Variants in OCA2 observed in about 807,000 individuals in gnomAD.
OCA2 encodes the protein P protein.
Under a neutral mutation model 100.2 loss-of-function variants are expected in OCA2, and 77 were observed. That is an observed-to-expected ratio of 0.77 (90% CI 0.64 to 0.93). The LOEUF (loss-of-function observed/expected upper bound fraction) is 0.93. Among genes scored for constraint, OCA2 ranks in the 40% least tolerant of loss-of-function variants. The pLI, the probability that OCA2 is intolerant of heterozygous loss-of-function variation, is 0.00. For synonymous variants in OCA2, 432 were observed against 439.2 expected (o/e 0.98, Z 0.21); for missense variants, 1,062 against 1,089.1 (o/e 0.98, Z 0.35).
intron 12 of OCA2, 105 bp downstream of exon 12, chr15:27,986,482 T>G: frequency 1.2e-6 from 1 of 845,604 alleles, no homozygotes; most frequent in Non-Finnish European, 2.0e-6. Flanking sequence ...AGGATGGAAT[T>G]TTTCAATGTT....
chr15:27,963,735 G>T (rs1408026967), intron 15 of OCA2, among the ~76,000 whole-genome samples: 1 of 151,504 alleles, frequency 6.6e-6, no homozygotes, highest in East Asian at 1.9e-4. Context: ...AAGCCTGAAA[G>T]TAAGCAGAAA....
rs1301236050 is a variant in OCA2 at position 28,043,257 on chromosome 15, C to A, written c.228-11094G>T. On this transcript the variant is annotated intron_variant, in intron 2 of 23. Transcript: ENST00000354638. This position sits in a 1 kb window ranked among gnomAD's most constrained non-coding sequence, Gnocchi z 4.4. ...AAAGTAGTTTAAACAGCAAGTAGGC[C>A]CAGTGGTAGGATTTTTGAAGTTTAC... is the stretch of plus-strand genomic sequence containing the variant. Among the ~76,000 whole-genome samples, 1 of 151,966 alleles carries A rather than the reference C, an allele frequency of 6.6e-6. No homozygotes were observed. Among genetic ancestry groups the A allele is most frequent in the Non-Finnish European group, 1.5e-5 (1 of 67,996 alleles).
At position 27,945,546 on chromosome 15, in the gene OCA2, C is replaced by T. The variant is rs143934131; in HGVS notation, c.1951+6238G>A. On this transcript the variant is annotated intron_variant, in intron 18 of 23. Transcript: ENST00000354638. Reference sequence around the variant, plus strand: ...CCTTCCTGAGCCTGCCCCCAAGAGGCCCCAGTGTCCTTGGAGCCTGTCAGC... The same window carrying T: ...CCTTCCTGAGCCTGCCCCCAAGAGGTCCCAGTGTCCTTGGAGCCTGTCAGC... 5.6e-3 allele frequency among the ~76,000 whole-genome samples: 857 copies of T among 152,262 alleles called. 7 individuals are homozygous for T. The highest frequency in any genetic ancestry group is 5.6e-3 in the South Asian group (27 of 4,824).
the OCA2 span, among the ~76,000 whole-genome samples, chr15:27,720,176 G>A: frequency 3.3e-5 from 5 of 151,988 alleles, no homozygotes; most frequent in African/African-American, 4.8e-5. Context: ...GCATTCCATC[G>A]CATCCTCCTT....
Position 28,069,638 on chromosome 15 carries a change from G to A in OCA2, c.227+12010C>T, listed in dbSNP as rs1313085679. ...GGGCCGGTCTCCAGCCCCTAACCGCGAGTGATCTGCCAACCTCGGCCTCCC... is the reference window on the plus strand; with the variant it reads ...GGGCCGGTCTCCAGCCCCTAACCGCAAGTGATCTGCCAACCTCGGCCTCCC... On this transcript the variant is annotated intron_variant, in intron 2 of 23. Coordinates refer to ENST00000354638, the MANE Select transcript of OCA2 (RefSeq NM_000275.3). 1.4e-4 allele frequency among the ~76,000 whole-genome samples: 21 copies of A among 146,006 alleles called. No individual in the cohort carries two copies. In the South Asian group the frequency reaches 3.3e-3, roughly 23 times the overall value.
At chr15:28,026,475 G>T (rs887267744) in intron 4 of OCA2, among the ~76,000 whole-genome samples, 1 of 152,134 alleles carries the variant, frequency 6.6e-6, no homozygotes, top group African/African-American at 2.4e-5. Context: ...AATGTTTATT[G>T]CACCCACGAG....
At chr15:28,065,604 TG>T (rs1290263601) in intron 2 of OCA2, among the ~76,000 whole-genome samples, 1 of 152,234 alleles carries the variant, frequency 6.6e-6, no homozygotes, top group Non-Finnish European at 1.5e-5. Context: ...TCAACGTTTC[TG>T]GGGGTCGAAT....
chr15:27,872,174 A>C (rs1273342425), intron 19 of OCA2, among the ~76,000 whole-genome samples: 3 of 152,222 alleles, frequency 2.0e-5, no homozygotes, highest in Non-Finnish European at 4.4e-5. Flanking sequence ...GTCCATGTTA[A>C]ATTTAAATCC....
At chr15:28,024,557 G>C (rs947575161) in intron 5 of OCA2, among the ~76,000 whole-genome samples, 2 of 152,200 alleles carry the variant, frequency 1.3e-5, no homozygotes, top group African/African-American at 4.8e-5. Context: ...AGCCACTCGA[G>C]GGGGAAGGGA....
At chr15:27,913,822 GA>G (rs1567097398) in intron 19 of OCA2, among the ~76,000 whole-genome samples, 5 of 62,824 alleles carry the variant, frequency 8.0e-5, no homozygotes, top group Non-Finnish European at 1.5e-4. Context: ...AAAAGAGAAA[GA>G]AAGAAAGAAA....
rs116404077 is a variant in OCA2 at position 28,082,335 on chromosome 15, T to A, written c.-21-440A>T. Among the ~76,000 whole-genome samples, 653 of 152,294 alleles carry A rather than the reference T, an allele frequency of 4.3e-3. 3 individuals are homozygous for A. The highest frequency in any genetic ancestry group is 0.015 in the African/African-American group (621 of 41,562). ...CCTACTAATCTGTGGATACTTTCGA[T>A]GTTTTGGTTTTCACAGTAAATCTTG... is the stretch of plus-strand genomic sequence containing the variant. On this transcript the variant is annotated intron_variant, in intron 1 of 23. Coordinates refer to ENST00000354638, the MANE Select transcript of OCA2 (RefSeq NM_000275.3).
At chr15:27,927,167 T>C (rs989594302) in intron 18 of OCA2, among the ~76,000 whole-genome samples, 3 of 152,100 alleles carry the variant, frequency 2.0e-5, no homozygotes, top group African/African-American at 7.2e-5. Flanking sequence ...CACATGCCTG[T>C]AATCCCAGCT....
intron 14 of OCA2, among the ~76,000 whole-genome samples, chr15:27,972,872 T>TGTGACAG (rs2040846967): frequency 7.2e-5 from 4 of 55,284 alleles, no homozygotes; most frequent in Non-Finnish European, 2.7e-4. Context: ...TATTTTATTT[T>TGTGACAG]ATTTTATTTT....
chr15:27,862,182 T>C (rs550479986), intron 21 of OCA2, among the ~76,000 whole-genome samples: 21 of 146,246 alleles, frequency 1.4e-4, no homozygotes, highest in Non-Finnish European at 2.4e-4. Flanking sequence ...CGAGTCCTCA[T>C]GGACAGAAAG....
At chr15:28,008,000 A>C (rs1036137742) in intron 9 of OCA2, among the ~76,000 whole-genome samples, 32 of 152,338 alleles carry the variant, frequency 2.1e-4, no homozygotes, top group African/African-American at 7.2e-4. Context: ...AGAGGACCTT[A>C]GCACCTGTCT....
chr15:28,066,386 C>A (rs1018885974), intron 2 of OCA2, among the ~76,000 whole-genome samples: 1 of 151,996 alleles, frequency 6.6e-6, no homozygotes, highest in Non-Finnish European at 1.5e-5. Flanking sequence ...GAAACCTAAA[C>A]GATCAGTTCA....
intron 19 of OCA2, among the ~76,000 whole-genome samples, chr15:27,893,991 C>G (rs775112523): frequency 6.6e-6 from 1 of 151,922 alleles, no homozygotes; most frequent in Non-Finnish European, 1.5e-5. Flanking sequence ...GTTCTTACAC[C>G]CCCTCCCCTT....
intron 18 of OCA2, among the ~76,000 whole-genome samples, chr15:27,941,715 G>A (rs1296991641): frequency 6.6e-6 from 1 of 152,182 alleles, no homozygotes; most frequent in East Asian, 1.9e-4. Flanking sequence ...ATCCTCATAT[G>A]TGTGCATGAT....
At chr15:27,913,888 AAAGAAAGC>A (rs1236225873) in intron 19 of OCA2, among the ~76,000 whole-genome samples, 977 of 57,078 alleles carry the variant, frequency 0.017, 8 homozygotes, top group Non-Finnish European at 0.025. Flanking sequence ...AGAAAGAAAG[AAAGAAAGC>A]AAGCAAGCAA....
Sources: allele counts gnomAD v4.1 joint callset (sites outside exome capture counted in the v4.1 genomes callset), GRCh38; gene constraint gnomAD v4.1.1; non-coding constraint Gnocchi (gnomAD v3.1); transcripts MANE v1.5; gene names NCBI Gene and HGNC (gene_info 2026-07-23, HGNC 2026-07-21).